GSPT1: variants seen among roughly 807,000 people sequenced by gnomAD.
GSPT1 encodes the protein G1 to S phase transition 1.
GSPT1 carries 20 observed loss-of-function variants against 72.5 expected under a neutral mutation model. That is an observed-to-expected ratio of 0.28 (90% CI 0.19 to 0.40). GSPT1 has a LOEUF of 0.40. Ranked by LOEUF, GSPT1 falls within the 10% of genes least tolerant of loss-of-function variation. The probability of loss-of-function intolerance (pLI) is 1.00; values close to 1 mark genes in which losing one functional copy is unlikely to be tolerated. For missense variants in GSPT1, 580 were observed against 811.9 expected (o/e 0.71, Z 3.47); for synonymous variants, 334 against 293.5 (o/e 1.14, Z -1.41).
chr16:11,915,262 C>G, intron 1 of GSPT1, 107 bp downstream of exon 1: 1 of 1,198,242 alleles, frequency 8.3e-7, no homozygotes, highest in Non-Finnish European at 1.0e-6. Flanking sequence ...ACTGTCAGCG[C>G]CCCACGTGCC....
chr16:11,899,694 G>T (rs537966797), intron 1 of GSPT1, among the ~76,000 whole-genome samples: 4 of 152,104 alleles, frequency 2.6e-5, no homozygotes, highest in Non-Finnish European at 5.9e-5. Flanking sequence ...AAAAGTTTAA[G>T]GATAAGGTAA....
intron 14 of GSPT1, among the ~76,000 whole-genome samples, chr16:11,874,624 A>G (rs2054017891): frequency 6.6e-6 from 1 of 152,142 alleles, no homozygotes; most frequent in South Asian, 2.1e-4. Context: ...TTAATAAGAT[A>G]AACCCAATAA....
chr16:11,886,717 G>A (rs568955269), intron 8 of GSPT1, 60 bp downstream of exon 8: 15 of 1,561,926 alleles, frequency 9.6e-6, no homozygotes, highest in East Asian at 4.5e-5. Context: ...AGAAAAAGTC[G>A]TACAATAACA....
At chr16:11,888,228 G>C (rs1384421498) in intron 6 of GSPT1, among the ~76,000 whole-genome samples, 1 of 152,206 alleles carries the variant, frequency 6.6e-6, no homozygotes, top group Non-Finnish European at 1.5e-5. Context: ...CACTTTGGGA[G>C]GCCGAGGCTG....
At chr16:11,895,303 C>T (rs370228113) in intron 4 of GSPT1, 19 of 192,930 alleles carry the variant, frequency 9.8e-5, no homozygotes, top group Middle Eastern at 2.2e-3. Flanking sequence ...TGGTGGCGGC[C>T]GCCTGTAATC....
chr16:11,882,156 C>T (rs2054130529), intron 11 of GSPT1: 1 of 152,262 alleles, frequency 6.6e-6, no homozygotes, highest in African/African-American at 2.4e-5. Flanking sequence ...TGATGCATGC[C>T]TGTAATCCCA....
chr16:11,893,989 T>C (rs2054302221), intron 5 of GSPT1, among the ~76,000 whole-genome samples: 1 of 151,102 alleles, frequency 6.6e-6, no homozygotes, highest in Non-Finnish European at 1.5e-5. Flanking sequence ...ACACCACCTC[T>C]ACAAAAAAAC....
At chr16:11,886,050 C>G (rs1418116871) in intron 9 of GSPT1, among the ~76,000 whole-genome samples, 1 of 151,962 alleles carries the variant, frequency 6.6e-6, no homozygotes, top group African/African-American at 2.4e-5. Flanking sequence ...CAAAACAAAC[C>G]TACACATAGA....
At chr16:11,879,615 C>A (rs1232390500) in intron 11 of GSPT1, among the ~76,000 whole-genome samples, 2 of 151,770 alleles carry the variant, frequency 1.3e-5, no homozygotes, top group South Asian at 2.1e-4. Context: ...TTCCTGTAAT[C>A]CCAGCTACTT....
intron 1 of GSPT1, among the ~76,000 whole-genome samples, chr16:11,904,390 G>C (rs2054459970): frequency 6.6e-6 from 1 of 151,950 alleles, no homozygotes; most frequent in South Asian, 2.1e-4. Context: ...TTTTAGTAGA[G>C]ATGGGGTTTC....
At chr16:11,874,979 C>T (rs2054024288) in intron 14 of GSPT1, among the ~76,000 whole-genome samples, 2 of 152,176 alleles carry the variant, frequency 1.3e-5, no homozygotes, top group South Asian at 4.1e-4. Flanking sequence ...ATCACGAGGT[C>T]AGGAGATCAA....
chr16:11,898,727 G>A (rs986118975), intron 1 of GSPT1, among the ~76,000 whole-genome samples: 6 of 151,976 alleles, frequency 3.9e-5, no homozygotes, highest in Admixed American at 3.9e-4. Flanking sequence ...TGGGATTACA[G>A]GCTTGAGCCA....
chr16:11,894,956 T>A lies in GSPT1; in HGVS notation c.696A>T (p.Ile232=). The change falls in exon 5 of 15, where the codon ATA becomes ATT. Residue 232 remains isoleucine, a splice_region_variant and synonymous_variant. Coordinates refer to ENST00000434724, the MANE Select transcript of GSPT1 (RefSeq NM_002094.4). ...DAGKSTIGGQ[I]MYLTGMVDKR... is the part of the protein sequence containing the mutation. ...TTTAACAAAAGATACAGACTTACAT[T>A]ATTTGTCCTCCAATGGTTGACTTGC... 6.4e-7 allele frequency: 1 copy of A among 1,574,782 alleles called. No homozygotes were observed. The highest frequency in any genetic ancestry group is 8.7e-7 in the Non-Finnish European group (1 of 1,151,410).
chr16:11,902,864 G>T (rs1464165117), intron 1 of GSPT1, among the ~76,000 whole-genome samples: 3 of 151,934 alleles, frequency 2.0e-5, no homozygotes, highest in Non-Finnish European at 1.5e-5. Flanking sequence ...CGGGATTACA[G>T]TCATGAGCCA....
chr16:11,904,309 T>A (rs1002934597), intron 1 of GSPT1, among the ~76,000 whole-genome samples: 9 of 152,124 alleles, frequency 5.9e-5, no homozygotes, highest in African/African-American at 1.9e-4. Context: ...TTCAAGCGAT[T>A]CCCCTGCCTC....
rs1318829759 is a variant in GSPT1 at position 11,896,590 on chromosome 16, T to G, written c.632A>C (p.Glu211Ala). ...CCCAATGAATACTACATTTACATGC[T>G]CTTTCTTAGGAGCACCTGGCGGTGC... ...VVAPPGAPKK[E>A]HVNVVFIGHV... Residue 211 changes from glutamate (E) to alanine (A), a missense_variant, in exon 4 of 15, where the codon GAG (glutamate) becomes GCG (alanine). Transcript: ENST00000434724. 4.4e-6 allele frequency: 7 copies of G among 1,605,348 alleles called. No homozygotes were observed. Among genetic ancestry groups the G allele is most frequent in the Non-Finnish European group, 6.0e-6 (7 of 1,175,432 alleles).
At chr16:11,874,959 A>C (rs569914408) in intron 14 of GSPT1, among the ~76,000 whole-genome samples, 1 of 152,256 alleles carries the variant, frequency 6.6e-6, no homozygotes, top group Non-Finnish European at 1.5e-5. Context: ...TGGGAGGCCA[A>C]GGCGGGCGGA....
intron 1 of GSPT1, chr16:11,915,106 C>G (rs1398260632): frequency 7.8e-7 from 1 of 1,274,174 alleles, no homozygotes; most frequent in Non-Finnish European, 1.0e-6. Flanking sequence ...GACTCCAGAG[C>G]AGGGCAGGGG....
At chr16:11,914,652 G>A (rs1396636130) in intron 1 of GSPT1, among the ~76,000 whole-genome samples, 1 of 152,202 alleles carries the variant, frequency 6.6e-6, no homozygotes, top group African/African-American at 2.4e-5. Flanking sequence ...GGATAAAAGT[G>A]TAAGCTTCAC....
Sources: gnomAD v4.1 joint callset for allele counts (sites outside exome capture counted in the v4.1 genomes callset) on GRCh38, gnomAD v4.1.1 for gene constraint, MANE v1.5 for transcripts, NCBI Gene and HGNC (gene_info 2026-07-23, HGNC 2026-07-21) for gene names.